The following ZNF718 variants were observed in gnomAD, a reference collection of about 807,000 sequenced individuals.
ZNF718 encodes the protein zinc finger protein 718.
Under a neutral mutation model 2.6 loss-of-function variants are expected in ZNF718, and 3 were observed. That is an observed-to-expected ratio of 1.16 (90% CI 0.53 to 3.01). ZNF718 has a LOEUF of 3.01. ZNF718 is among the 30% of genes most tolerant of loss of function. ZNF718 has a pLI of 0.03. For missense variants in ZNF718, 468 were observed against 230.0 expected, an observed-to-expected ratio of 2.03 and a Z score of -6.69; for synonymous variants, 135 against 77.9, an observed-to-expected ratio of 1.73 and a Z score of -3.86.
downstream of ZNF718, among the ~76,000 whole-genome samples, chr4:167,907 G>T (rs953438422): frequency 2.0e-5 from 3 of 152,100 alleles, no homozygotes; most frequent in Admixed American, 6.6e-5. Context: ...AGTGGTGAGA[G>T]AGGGCATCCC....
chr4:154,073 C>G (rs138443104), intron 3 of ZNF718, among the ~76,000 whole-genome samples: 1 of 152,232 alleles, frequency 6.6e-6, no homozygotes, highest in African/African-American at 2.4e-5. Context: ...GAATAAGTCT[C>G]AGGAGATCTG....
At chr4:175,545 T>G (rs1485017708) in intron 3 of ZNF718, among the ~76,000 whole-genome samples, 2 of 152,168 alleles carry the variant, frequency 1.3e-5, no homozygotes, top group Non-Finnish European at 2.9e-5. Flanking sequence ...GGGGCACTGT[T>G]TATTCTTTCT....
At chr4:154,682 T>C (rs1553813296) in intron 3 of ZNF718, among the ~76,000 whole-genome samples, 1 of 152,226 alleles carries the variant, frequency 6.6e-6, no homozygotes, top group African/African-American at 2.4e-5. Flanking sequence ...ACTTGGGTGC[T>C]GTTAAAAGCA....
Position 162,209 on chromosome 4 carries a change from A to G in ZNF718, c.*87A>G, listed in dbSNP as rs1332660844. The G allele has an allele frequency of 1.7e-6, 1 of 587,252 alleles. No homozygotes were observed. The highest frequency in any genetic ancestry group is 3.1e-6 in the Non-Finnish European group (1 of 322,286). 36.4% of individuals were successfully genotyped at this position (587,252 alleles called of 1,614,324 possible). A position where few individuals can be genotyped will look rare whatever the true frequency, so the allele number is the denominator to read the frequency against. The stretch of plus-strand genomic sequence containing the variant: ...TGGAGAGAAACTCTACACATGAAAA[A>G]ATTGACAAAGCTTTTAACCGCAACT... On this transcript the variant is annotated 3_prime_UTR_variant, in exon 4 of 4. Coordinates refer to ENST00000510175, the MANE Select transcript of ZNF718 (RefSeq NM_001039127.6).
At chr4:154,618 G>T (rs1716481492) in intron 3 of ZNF718, among the ~76,000 whole-genome samples, 1 of 152,188 alleles carries the variant, frequency 6.6e-6, no homozygotes, top group Non-Finnish European at 1.5e-5. Context: ...TGAGGGAAAT[G>T]ACTTAGGGTA....
Position 130,944 on chromosome 4 carries a change from A to G in ZNF718, c.130+30A>G. 2 of 300,548 alleles carry G rather than the reference A, an allele frequency of 6.7e-6. 1 individual carries two copies. Among genetic ancestry groups the G allele is most frequent in the Admixed American group, 1.0e-4 (2 of 19,054 alleles). 18.6% of individuals were successfully genotyped at this position (300,548 alleles called of 1,614,324 possible). A position where few individuals can be genotyped will look rare whatever the true frequency, so the allele number is the denominator to read the frequency against. On this transcript the variant is annotated intron_variant, in intron 2 of 3. Coordinates refer to ENST00000510175, the MANE Select transcript of ZNF718 (RefSeq NM_001039127.6). ...GGATAACTTTAATATGTAATTCCTA[A>G]TACTTTTTCAGAATTTCATTTTCTT...
chr4:202,257 C>T (rs1717916963), exon 5 of ZNF718: 1 of 152,196 alleles, frequency 6.6e-6, no homozygotes, highest in Admixed American at 6.6e-5. Context: ...GAGAGGCCTC[C>T]CCAGCAATGT....
At chr4:171,120 C>T (rs2108809922) in intron 3 of ZNF718, among the ~76,000 whole-genome samples, 1 of 152,290 alleles carries the variant, frequency 6.6e-6, no homozygotes, top group Non-Finnish European at 1.5e-5. Context: ...ACTCCAGACC[C>T]TCTTTGCCTG....
At chr4:140,907 T>G (rs962345032) in intron 3 of ZNF718, among the ~76,000 whole-genome samples, 4 of 152,248 alleles carry the variant, frequency 2.6e-5, no homozygotes, top group African/African-American at 9.6e-5. Context: ...AATAAAAATA[T>G]AAATGCCTTC....
intron 3 of ZNF718, among the ~76,000 whole-genome samples, chr4:152,311 C>T (rs1264091828): frequency 3.8e-5 from 5 of 133,196 alleles, no homozygotes; most frequent in African/African-American, 1.4e-4. Flanking sequence ...GGCTGGGGGA[C>T]GGTCAGGTCT....
intron 3 of ZNF718, among the ~76,000 whole-genome samples, chr4:198,204 A>C (rs1164620777): frequency 6.6e-6 from 1 of 152,098 alleles, no homozygotes; most frequent in Non-Finnish European, 1.5e-5. Context: ...ACCCAGCAGC[A>C]CAATAAAGTT....
chr4:192,131 G>T (rs1198986996), intron 3 of ZNF718, among the ~76,000 whole-genome samples: 1 of 152,180 alleles, frequency 6.6e-6, no homozygotes, highest in East Asian at 1.9e-4. Flanking sequence ...GAAGTCAGTG[G>T]TGGGTCTGCG....
intron 3 of ZNF718, among the ~76,000 whole-genome samples, chr4:199,177 C>T (rs1553822430): frequency 6.6e-6 from 1 of 152,188 alleles, no homozygotes; most frequent in African/African-American, 2.4e-5. Context: ...GCTTCATTTT[C>T]CTCCTCTGTA....
intron 1 of ZNF718, among the ~76,000 whole-genome samples, chr4:128,823 C>A (rs1715293257): frequency 9.6e-6 from 1 of 104,222 alleles, no homozygotes; most frequent in Non-Finnish European, 2.1e-5. Context: ...AGAATTGCTC[C>A]AGTTTTCTGG....
chr4:144,918 C>G (rs1715981277), intron 3 of ZNF718, among the ~76,000 whole-genome samples: 1 of 146,640 alleles, frequency 6.8e-6, no homozygotes, highest in South Asian at 2.2e-4. Flanking sequence ...AAGACCCCAT[C>G]ATATGCAAAG....
intron 3 of ZNF718, among the ~76,000 whole-genome samples, chr4:148,367 G>A (rs532233401): frequency 2.3e-3 from 343 of 152,126 alleles, no homozygotes; most frequent in African/African-American, 8.0e-3. Flanking sequence ...CCTGCACTTC[G>A]GGAGGCCAAG....
At chr4:179,696 A>G (rs1433215725) in intron 3 of ZNF718, among the ~76,000 whole-genome samples, 1 of 152,212 alleles carries the variant, frequency 6.6e-6, no homozygotes, top group African/African-American at 2.4e-5. Flanking sequence ...TAGATGTATC[A>G]TTGTCAAGTT....
intron 3 of ZNF718, among the ~76,000 whole-genome samples, chr4:200,723 C>G (rs1156329470): frequency 6.6e-6 from 1 of 151,914 alleles, no homozygotes; most frequent in African/African-American, 2.4e-5. Context: ...GTTTAAAGTT[C>G]AAAGGATAAA....
At chr4:200,223 G>A (rs1553822562) in intron 3 of ZNF718, among the ~76,000 whole-genome samples, 1 of 152,070 alleles carries the variant, frequency 6.6e-6, no homozygotes, top group East Asian at 1.9e-4. Flanking sequence ...ATACAAAACT[G>A]GGGAGGAAGG....
Sources: gnomAD v4.1 joint callset for allele counts (sites outside exome capture counted in the v4.1 genomes callset) on GRCh38, gnomAD v4.1.1 for gene constraint, MANE v1.5 for transcripts, NCBI Gene and HGNC (gene_info 2026-07-23, HGNC 2026-07-21) for gene names.